The following TUSC3 variants were observed in gnomAD, a reference collection of about 807,000 sequenced individuals.
TUSC3 encodes the protein dolichyl-diphosphooligosaccharide--protein glycosyltransferase subunit TUSC3.
Under a neutral mutation model 44.8 loss-of-function variants are expected in TUSC3, and 45 were observed. The observed-to-expected ratio is 1.00, with a 90% confidence interval of 0.79 to 1.29. The LOEUF is 1.29. Among genes scored for constraint, TUSC3 ranks in the 50% most tolerant of loss-of-function variants. The pLI, the probability that TUSC3 is intolerant of heterozygous loss-of-function variation, is 0.00. For missense variants in TUSC3, 519 were observed against 437.9 expected (o/e 1.19, Z -1.65); for synonymous variants, 212 against 152.9 (o/e 1.39, Z -2.85).
At chr8:15,568,477 G>C (rs1037034848) in intron 1 of TUSC3, among the ~76,000 whole-genome samples, 1 of 151,950 alleles carries the variant, frequency 6.6e-6, no homozygotes, top group Non-Finnish European at 1.5e-5. Flanking sequence ...AGTCCATTTT[G>C]CCTAAACTAG....
chr8:15,789,225 G>A, the TUSC3 span, among the ~76,000 whole-genome samples: 1 of 152,150 alleles, frequency 6.6e-6, no homozygotes, highest in Non-Finnish European at 1.5e-5. Flanking sequence ...CTGACTCAGA[G>A]GAACAAAGTG....
At chr8:15,487,569 C>T (rs1457354501) in intron 2 of TUSC3, among the ~76,000 whole-genome samples, 4 of 152,182 alleles carry the variant, frequency 2.6e-5, no homozygotes, top group Non-Finnish European at 5.9e-5. Flanking sequence ...AGATACTAAA[C>T]ATTTAGAGAA....
At chr8:15,588,410 T>G (rs1803684554) in intron 1 of TUSC3, among the ~76,000 whole-genome samples, 1 of 152,160 alleles carries the variant, frequency 6.6e-6, no homozygotes, top group Non-Finnish European at 1.5e-5. Context: ...CTAGATTATT[T>G]GTTTATTTGC....
intron 1 of TUSC3, among the ~76,000 whole-genome samples, chr8:15,563,635 C>T (rs1315864795): frequency 7.3e-5 from 10 of 137,342 alleles, no homozygotes; most frequent in Non-Finnish European, 1.5e-5. Flanking sequence ...TCAGTGAGCC[C>T]GGATTGTGCC....
rs529074968 is a variant in TUSC3, at chr8:15,763,351, T to TA, written c.*47-851dup. Among the ~76,000 whole-genome samples, 26 of 151,898 alleles carry TA rather than the reference T, an allele frequency of 1.7e-4. 1 individual carries two copies. In the South Asian group the frequency reaches 4.1e-3, roughly 24 times the overall value. ...GATTTAAACATCCAAATATAAAACT[T>TA]ACCTACTTTGGACATTTTTCCAGCT... On this transcript the variant is annotated intron_variant, in intron 10 of 10. Transcript: ENST00000503731.
intron 5 of TUSC3, among the ~76,000 whole-genome samples, chr8:15,668,357 T>C (rs1807774309): frequency 6.6e-6 from 1 of 151,754 alleles, no homozygotes; most frequent in Non-Finnish European, 1.5e-5. Flanking sequence ...CTTAGAATAG[T>C]GATTCTTTGT....
At chr8:15,628,717 T>A (rs964328739) in intron 2 of TUSC3, among the ~76,000 whole-genome samples, 2 of 152,216 alleles carry the variant, frequency 1.3e-5, no homozygotes, top group African/African-American at 4.8e-5. Context: ...CCATGTAGCA[T>A]TGAGATACCG....
At chr8:15,768,652 T>G (rs1812391494), downstream of TUSC3, among the ~76,000 whole-genome samples, 1 of 152,126 alleles carries the variant, frequency 6.6e-6, no homozygotes, top group South Asian at 2.1e-4. Context: ...GAAATCAAAT[T>G]GTCTGTTTGT....
chr8:15,453,336 A>G (rs1181938471), intron 1 of TUSC3, among the ~76,000 whole-genome samples: 1 of 152,192 alleles, frequency 6.6e-6, no homozygotes, highest in Non-Finnish European at 1.5e-5. Context: ...ATGAATAAGT[A>G]TATATACTTA....
the TUSC3 span, among the ~76,000 whole-genome samples, chr8:15,848,547 G>A: frequency 6.6e-6 from 1 of 152,052 alleles, no homozygotes; most frequent in Non-Finnish European, 1.5e-5. Context: ...CTGGGGAACT[G>A]TTCCCTGCTG....
chr8:15,730,853 T>C lies in TUSC3; in HGVS notation c.862+124T>C, dbSNP rs988741857. ...AGACATTAAATTTTAGGCTGTACTA[T>C]ATGACTAATTTTTATTTTTTATGCT... On this transcript the variant is annotated intron_variant, in intron 7 of 10. Transcript: ENST00000503731. 22 of 843,496 alleles carry C rather than the reference T, an allele frequency of 2.6e-5. 1 individual carries two copies. Among genetic ancestry groups the C allele is most frequent in the Non-Finnish European group, 3.0e-5 (16 of 530,132 alleles). The allele number at this position is 843,496 out of a possible 1,614,324, so 52.3% of individuals were successfully genotyped here. A position where few individuals can be genotyped will look rare whatever the true frequency, so the allele number is the denominator to read the frequency against.
chr8:15,560,335 A>C (rs1802412471), intron 1 of TUSC3, among the ~76,000 whole-genome samples: 1 of 136,704 alleles, frequency 7.3e-6, no homozygotes, highest in African/African-American at 2.7e-5. Flanking sequence ...ATTGGCCCCC[A>C]CTCTCTTCTG....
chr8:15,741,539 T>A (rs1168076492), intron 7 of TUSC3, among the ~76,000 whole-genome samples: 1 of 152,016 alleles, frequency 6.6e-6, no homozygotes, highest in Non-Finnish European at 1.5e-5. Context: ...ACTAAAGTTG[T>A]CCGGGCATGG....
chr8:15,515,025 T>A (rs1801198025), intron 2 of TUSC3, among the ~76,000 whole-genome samples: 1 of 152,134 alleles, frequency 6.6e-6, no homozygotes, highest in Non-Finnish European at 1.5e-5. Flanking sequence ...TATCAATACA[T>A]GTTTTTGTTT....
At chr8:15,545,166 A>G (rs1366189022) in intron 1 of TUSC3, among the ~76,000 whole-genome samples, 1 of 151,688 alleles carries the variant, frequency 6.6e-6, no homozygotes, top group Non-Finnish European at 1.5e-5. Flanking sequence ...TGGACCATCT[A>G]TCTTGGTGGT....
At chr8:15,572,641 A>C (rs1196754781) in intron 1 of TUSC3, among the ~76,000 whole-genome samples, 1 of 152,104 alleles carries the variant, frequency 6.6e-6, no homozygotes, top group Non-Finnish European at 1.5e-5. Context: ...TTCCTCACTA[A>C]GTTTAATCAT....
At chr8:15,436,374 T>G (rs184557860) in intron 1 of TUSC3, among the ~76,000 whole-genome samples, 1 of 152,338 alleles carries the variant, frequency 6.6e-6, no homozygotes, top group African/African-American at 2.4e-5. Flanking sequence ...AGTTATCTTT[T>G]TAAATGTAAC....
chr8:15,449,614 A>G (rs375288507), intron 1 of TUSC3, among the ~76,000 whole-genome samples: 37 of 152,208 alleles, frequency 2.4e-4, no homozygotes, highest in Middle Eastern at 3.4e-3. Context: ...TTATTGAGGG[A>G]GGGAGTATAA....
At chr8:15,545,706 A>G (rs1051298454) in intron 1 of TUSC3, among the ~76,000 whole-genome samples, 16 of 151,810 alleles carry the variant, frequency 1.1e-4, no homozygotes, top group African/African-American at 3.9e-4. Context: ...CATAGGGCAC[A>G]GAGAAGGGGA....
Sources: allele counts gnomAD v4.1 joint callset (sites outside exome capture counted in the v4.1 genomes callset), GRCh38; gene constraint gnomAD v4.1.1; transcripts MANE v1.5; gene names NCBI Gene and HGNC (gene_info 2026-07-23, HGNC 2026-07-21).